The following LAMC1 variants were observed in gnomAD, a reference collection of about 807,000 sequenced individuals.
LAMC1 encodes the protein laminin subunit gamma-1.
Under a neutral mutation model 173.6 loss-of-function variants are expected in LAMC1, and 38 were observed. That is an observed-to-expected ratio of 0.22 (90% confidence interval 0.17 to 0.29). The LOEUF (loss-of-function observed/expected upper bound fraction) is 0.29, where lower values mean the gene tolerates loss of function less well. Ranked by LOEUF, LAMC1 falls within the 10% of genes least tolerant of loss-of-function variation. The pLI is 1.00. For missense variants in LAMC1, 1,824 were observed against 2,051.8 expected, an observed-to-expected ratio of 0.89 and a Z score of 2.14; for synonymous variants, 746 against 749.1, an observed-to-expected ratio of 1.00 and a Z score of 0.07.
intron 1 of LAMC1, among the ~76,000 whole-genome samples, chr1:183,063,345 A>T (rs1654787694): frequency 6.6e-6 from 1 of 152,238 alleles, no homozygotes; most frequent in African/African-American, 2.4e-5. Flanking sequence ...AAAGTGATTT[A>T]TTTTTAAAAC....
intron 3 of LAMC1, 58 bp downstream of exon 3, chr1:183,108,464 T>G: frequency 6.3e-6 from 9 of 1,422,884 alleles, no homozygotes; most frequent in Non-Finnish European, 7.8e-6. Context: ...TAGAGGTGAA[T>G]CTAGCAACTT....
chr1:183,078,498 C>T (rs1032334417), intron 1 of LAMC1, among the ~76,000 whole-genome samples: 2 of 151,166 alleles, frequency 1.3e-5, no homozygotes, highest in Admixed American at 6.6e-5. Flanking sequence ...AGGAGAATGG[C>T]ATGAACCTGG....
At chr1:183,046,128 T>C (rs921819117) in intron 1 of LAMC1, among the ~76,000 whole-genome samples, 2 of 152,124 alleles carry the variant, frequency 1.3e-5, no homozygotes, top group Admixed American at 6.5e-5. Flanking sequence ...TGGGTACTTT[T>C]TCTGTTAGCC....
chr1:183,121,974 T>A (rs374021812), intron 12 of LAMC1, 30 bp downstream of exon 12: 17 of 1,610,010 alleles, frequency 1.1e-5, no homozygotes, highest in Non-Finnish European at 1.4e-5. Context: ...CTCTTAGACC[T>A]AACTTCTCTT....
Position 183,145,087 on chromosome 1 carries a change from G to C in LAMC1, c.*2297G>C, listed in dbSNP as rs939452500. The C allele has an allele frequency of 1.2e-4, 18 of 152,176 alleles. No individual in the cohort carries two copies. Among genetic ancestry groups the C allele is most frequent in the African/African-American group, 4.3e-4 (18 of 41,440 alleles). The allele number at this position is 152,176 out of a possible 1,614,324, so 9.4% of individuals were successfully genotyped here. ...TTGGTCAAGGTTGCAGAAGAGGACT[G>C]AAGATTGACTGCCAAGCTAGTTTGG... On this transcript the variant is annotated 3_prime_UTR_variant, in exon 28 of 28. Coordinates refer to ENST00000258341, the MANE Select transcript of LAMC1 (RefSeq NM_002293.4).
chr1:183,070,992 G>A (rs972152828), intron 1 of LAMC1, among the ~76,000 whole-genome samples: 13 of 152,110 alleles, frequency 8.5e-5, no homozygotes, highest in Admixed American at 5.9e-4. Flanking sequence ...ATCACAGCCT[G>A]CCACCTGCTG....
At chr1:183,087,469 G>A (rs1418572633) in intron 1 of LAMC1, among the ~76,000 whole-genome samples, 2 of 152,162 alleles carry the variant, frequency 1.3e-5, no homozygotes, top group East Asian at 3.8e-4. Flanking sequence ...ATAATTCCAG[G>A]TACTGATAAT....
Position 183,023,962 on chromosome 1 carries a change from G to T in LAMC1, c.246G>T (p.Val82=), listed in dbSNP as rs1454848645. The T allele has an allele frequency of 1.2e-6, 2 of 1,613,286 alleles. No homozygotes were observed. The highest frequency in any genetic ancestry group is 3.3e-5 in the Admixed American group (2 of 60,010). ...AGGAATACTGTGTGCAGACCGGGGT[G>T]ACCGGGGTCACCAAGTCCTGTCACC... The part of the protein sequence containing the change: ...PPEEYCVQTG[V]TGVTKSCHLC... The change falls in exon 1 of 28, where the codon GTG becomes GTT. Residue 82 remains valine (V), a synonymous_variant. Transcript: ENST00000258341.
chr1:183,037,540 C>CAGAA lies in LAMC1; in HGVS notation c.418+13408_418+13409insAAAG, dbSNP rs1654014282. Reference sequence around the variant, plus strand: ...GATGAATAGCTAGCTACTGTAGTCCCAGGAGCTTTCTTTGTCAGTATTAAC... The same window carrying CAGAA: ...GATGAATAGCTAGCTACTGTAGTCCCAGAAAGGAGCTTTCTTTGTCAGTATTAAC... On this transcript the variant is annotated intron_variant, in intron 1 of 27. Coordinates refer to ENST00000258341, the MANE Select transcript of LAMC1 (RefSeq NM_002293.4). Among the ~76,000 whole-genome samples, 3 of 152,174 alleles carry CAGAA rather than the reference C, an allele frequency of 2.0e-5. No homozygotes were observed. In the South Asian group the frequency reaches 6.2e-4, roughly 32 times the overall value.
chr1:183,140,388 CAT>C lies in LAMC1; in HGVS notation c.4474-15_4474-14del. The C allele has an allele frequency of 6.4e-7, 1 of 1,573,026 alleles. No homozygotes were observed. The highest frequency in any genetic ancestry group is 1.1e-5 in the South Asian group (1 of 89,584). ...AACATACAGTCAAGACTCTTTGCCT[CAT>C]TTTTCCCTTACAGGCTTCACAGGCT... On this transcript the variant is annotated splice_polypyrimidine_tract_variant and intron_variant, in intron 26 of 27. Coordinates refer to ENST00000258341, the MANE Select transcript of LAMC1 (RefSeq NM_002293.4).
intron 1 of LAMC1, among the ~76,000 whole-genome samples, chr1:183,063,834 C>T (rs1157097923): frequency 1.3e-5 from 2 of 152,104 alleles, no homozygotes; most frequent in East Asian, 3.8e-4. Context: ...GGATAATGCT[C>T]TTAATTTTAT....
At chr1:183,113,550 AGATACTT>A (rs1656226714) in intron 4 of LAMC1, among the ~76,000 whole-genome samples, 2 of 152,324 alleles carry the variant, frequency 1.3e-5, no homozygotes, top group South Asian at 4.1e-4. Flanking sequence ...TTGTGACTAC[AGATACTT>A]GGTCTTGAAA....
intron 11 of LAMC1, among the ~76,000 whole-genome samples, chr1:183,121,234 C>T (rs1411476185): frequency 1.3e-5 from 2 of 149,274 alleles, no homozygotes; most frequent in East Asian, 3.9e-4. Context: ...GCCTGGCCAA[C>T]ATGGTGAAAC....
intron 1 of LAMC1, among the ~76,000 whole-genome samples, chr1:183,072,556 G>A (rs1057295233): frequency 5.3e-5 from 8 of 152,196 alleles, no homozygotes; most frequent in Non-Finnish European, 7.4e-5. Context: ...AGCTGTGAGA[G>A]ACTATTGAGG....
At chr1:183,090,741 G>C (rs1428628439) in intron 1 of LAMC1, among the ~76,000 whole-genome samples, 1 of 152,030 alleles carries the variant, frequency 6.6e-6, no homozygotes, top group East Asian at 1.9e-4. Flanking sequence ...TCCCAGCTAC[G>C]ATTACTGTTT....
chr1:183,038,465 T>C (rs1654042116), intron 1 of LAMC1, among the ~76,000 whole-genome samples: 1 of 152,210 alleles, frequency 6.6e-6, no homozygotes, highest in South Asian at 2.1e-4. Flanking sequence ...GTTTTTTGTT[T>C]TGTTTTGTTT....
intron 1 of LAMC1, among the ~76,000 whole-genome samples, chr1:183,067,292 T>C (rs1277958534): frequency 1.3e-5 from 2 of 152,224 alleles, no homozygotes; most frequent in Admixed American, 6.5e-5. Context: ...TTTTCAGTTT[T>C]GTTTAGAATT....
intron 1 of LAMC1, among the ~76,000 whole-genome samples, chr1:183,068,359 T>C (rs1654928913): frequency 6.6e-6 from 1 of 152,182 alleles, no homozygotes; most frequent in Non-Finnish European, 1.5e-5. Context: ...TAAGAAACAG[T>C]AAGCTAGTAC....
At chr1:183,028,766 G>C (rs1266517262) in intron 1 of LAMC1, among the ~76,000 whole-genome samples, 1 of 152,150 alleles carries the variant, frequency 6.6e-6, no homozygotes, top group East Asian at 1.9e-4. Flanking sequence ...TATGTTCCTA[G>C]ATTCCTCTCT....
Sources: gnomAD v4.1 joint callset for allele counts (sites outside exome capture counted in the v4.1 genomes callset) on GRCh38, gnomAD v4.1.1 for gene constraint, MANE v1.5 for transcripts, NCBI Gene and HGNC (gene_info 2026-07-23, HGNC 2026-07-21) for gene names.